Variants in PARVA observed in about 807,000 individuals in gnomAD.
PARVA encodes the protein parvin alpha.
PARVA carries 25 observed loss-of-function variants against 52.6 expected under a neutral mutation model. The observed-to-expected ratio is 0.48, with a 90% CI of 0.35 to 0.66. The LOEUF (loss-of-function observed/expected upper bound fraction) is 0.66, where lower values mean the gene tolerates loss of function less well. Among genes scored for constraint, PARVA ranks in the 30% least tolerant of loss-of-function variants. PARVA has a pLI of 0.01. For missense variants in PARVA, 373 were observed against 450.9 expected, an observed-to-expected ratio of 0.83 and a Z score of 1.56; for synonymous variants, 185 against 179.1, an observed-to-expected ratio of 1.03 and a Z score of -0.26.
intron 1 of PARVA, among the ~76,000 whole-genome samples, chr11:12,445,411 A>G (rs1164623093): frequency 6.6e-6 from 1 of 152,108 alleles, no homozygotes; most frequent in South Asian, 2.1e-4. Flanking sequence ...GGGAATCAGG[A>G]CATAAATACC....
chr11:12,439,279 C>T (rs906422262), intron 1 of PARVA, among the ~76,000 whole-genome samples: 4 of 152,166 alleles, frequency 2.6e-5, no homozygotes, highest in Admixed American at 6.5e-5. Flanking sequence ...TCTACTAATT[C>T]TTCCCCCAAA....
At chr11:12,494,307 T>G (rs2135057731) in intron 4 of PARVA, among the ~76,000 whole-genome samples, 1 of 152,324 alleles carries the variant, frequency 6.6e-6, no homozygotes, top group East Asian at 1.9e-4. Flanking sequence ...GACCTCCAGC[T>G]TCCTTCCCCT....
chr11:12,389,599 T>G (rs1373629058), intron 1 of PARVA, among the ~76,000 whole-genome samples: 2 of 152,186 alleles, frequency 1.3e-5, no homozygotes, highest in Admixed American at 1.3e-4. Context: ...GATTTCAAGC[T>G]GGGTCTTGAA....
At position 12,489,172 on chromosome 11, in the gene PARVA, AAAAG is replaced by A. The variant is rs1484775598; in HGVS notation, c.401-7282_401-7279del. On this transcript the variant is annotated intron_variant, in intron 4 of 12. Transcript: ENST00000334956. Reference sequence around the variant, plus strand: ...AGACCCCACCTCTATTTAAAAAAAAAAAAGAAAAAGAAAAAAAGTGTTCAGTTAT... The same window carrying A: ...AGACCCCACCTCTATTTAAAAAAAAAAAAAAGAAAAAAAGTGTTCAGTTAT... 5.9e-5 allele frequency among the ~76,000 whole-genome samples: 9 copies of A among 151,724 alleles called. No individual in the cohort carries two copies. In the East Asian group the frequency reaches 9.6e-4, roughly 16 times the overall value.
At chr11:12,471,275 G>T (rs1283453551) in intron 1 of PARVA, among the ~76,000 whole-genome samples, 1 of 152,210 alleles carries the variant, frequency 6.6e-6, no homozygotes, top group Non-Finnish European at 1.5e-5. Context: ...TAAGTGATTA[G>T]ATTCATAAGC....
At chr11:12,478,820 C>T (rs960832341) in intron 4 of PARVA, 2 of 152,310 alleles carry the variant, frequency 1.3e-5, no homozygotes, top group Non-Finnish European at 2.9e-5. Context: ...TCACCTCCTC[C>T]AACCTATTCC....
In PARVA at chr11:12,531,817, G is replaced by A. The variant is rs111264847; in HGVS notation, c.*3892G>A. ...TGCAGCTGCTGAAAACAAGAGAGCT[G>A]CATTAAGCTGCAAGGCCGGGTAGGG... is the stretch of plus-strand genomic sequence containing the variant. On this transcript the variant is annotated 3_prime_UTR_variant, in exon 13 of 13. Coordinates refer to ENST00000334956, the MANE Select transcript of PARVA (RefSeq NM_018222.5). Among the ~76,000 whole-genome samples the A allele has an allele frequency of 2.5e-3, 382 of 152,162 alleles. 2 individuals are homozygous for A. The highest frequency in any genetic ancestry group is 8.5e-3 in the African/African-American group (351 of 41,464).
intron 4 of PARVA, among the ~76,000 whole-genome samples, chr11:12,481,179 G>A (rs1285801120): frequency 1.3e-5 from 2 of 151,964 alleles, no homozygotes; most frequent in South Asian, 2.1e-4. Flanking sequence ...TGCATCTGCC[G>A]CAATTCTTAT....
intron 12 of PARVA, among the ~76,000 whole-genome samples, chr11:12,527,257 G>A (rs1034085117): frequency 6.6e-6 from 1 of 151,366 alleles, no homozygotes; most frequent in African/African-American, 2.5e-5. Context: ...ACGGAAGAAG[G>A]GAGGAATAGA....
intron 1 of PARVA, among the ~76,000 whole-genome samples, chr11:12,421,467 T>A (rs1441863138): frequency 1.3e-5 from 2 of 152,188 alleles, no homozygotes; most frequent in African/African-American, 4.8e-5. Context: ...TTTTTTTTCT[T>A]TAATCTGCCT....
chr11:12,471,076 G>A (rs1363848866), intron 1 of PARVA, among the ~76,000 whole-genome samples: 1 of 152,216 alleles, frequency 6.6e-6, no homozygotes, highest in Non-Finnish European at 1.5e-5. Flanking sequence ...GAGAACTTAA[G>A]AGTGATTCCT....
chr11:12,489,122 C>T (rs576079955), intron 4 of PARVA, among the ~76,000 whole-genome samples: 4 of 148,084 alleles, frequency 2.7e-5, no homozygotes, highest in East Asian at 2.0e-4. Flanking sequence ...CCCAGGAGTT[C>T]GAGACTAGCA....
At chr11:12,449,236 C>G (rs991661522) in intron 1 of PARVA, among the ~76,000 whole-genome samples, 2 of 152,132 alleles carry the variant, frequency 1.3e-5, no homozygotes, top group African/African-American at 4.8e-5. Context: ...TCACTGCAAC[C>G]TCTGCCTCTC....
At chr11:12,495,658 A>T (rs988450435) in intron 4 of PARVA, among the ~76,000 whole-genome samples, 8 of 32,124 alleles carry the variant, frequency 2.5e-4, no homozygotes, top group Non-Finnish European at 6.9e-4. Flanking sequence ...TCATTGCATA[A>T]AAAAAAACTA....
chr11:12,425,483 C>T (rs1356974569), intron 1 of PARVA, among the ~76,000 whole-genome samples: 1 of 152,162 alleles, frequency 6.6e-6, no homozygotes, highest in Non-Finnish European at 1.5e-5. Context: ...TTGCCTCTTC[C>T]CAACACAAAA....
intron 1 of PARVA, among the ~76,000 whole-genome samples, chr11:12,440,167 G>T (rs1275519165): frequency 6.6e-6 from 1 of 152,164 alleles, no homozygotes; most frequent in African/African-American, 2.4e-5. Flanking sequence ...ATGAATAAAT[G>T]GCCAACGACC....
chr11:12,472,111 T>A (rs1205190824), intron 1 of PARVA, among the ~76,000 whole-genome samples: 2 of 152,212 alleles, frequency 1.3e-5, no homozygotes, highest in Non-Finnish European at 2.9e-5. Flanking sequence ...ACCTACAGAA[T>A]CATTTAAGCC....
At chr11:12,474,654 G>T (rs1940983180) in intron 3 of PARVA, among the ~76,000 whole-genome samples, 1 of 152,144 alleles carries the variant, frequency 6.6e-6, no homozygotes, top group Non-Finnish European at 1.5e-5. Context: ...GCAATGCGAT[G>T]AAACATCATC....
At chr11:12,377,434 C>T (rs1261005478), upstream of PARVA, 2 of 1,376,736 alleles carry the variant, frequency 1.5e-6, no homozygotes, top group Non-Finnish European at 1.9e-6. Context: ...GGCGCGGCCC[C>T]GGGAGCGCAG....
Sources: gnomAD v4.1 joint callset for allele counts (sites outside exome capture counted in the v4.1 genomes callset) on GRCh38, gnomAD v4.1.1 for gene constraint, MANE v1.5 for transcripts, NCBI Gene and HGNC (gene_info 2026-07-23, HGNC 2026-07-21) for gene names.